Variants in CBR3 observed in about 807,000 individuals in gnomAD.
The protein encoded by CBR3 is carbonyl reductase [NADPH] 3.
In CBR3, 14 loss-of-function variants were observed where a neutral mutation model predicts 11.6. The ratio of observed to expected loss-of-function variants is 1.20; its 90% CI spans 0.79 to 1.88. The LOEUF is 1.88. CBR3 is among the 40% of genes most tolerant of loss of function. CBR3 has a pLI of 0.00. For synonymous variants in CBR3, 125 were observed against 145.6 expected (o/e 0.86, Z 1.02); for missense variants, 308 against 357.3 (o/e 0.86, Z 1.11).
rs777245360 is a variant in CBR3 at position 36,135,533 on chromosome 21, G to A, written c.289+52G>A. 9.3e-6 allele frequency: 14 copies of A among 1,502,640 alleles called. 1 individual carries two copies. Among genetic ancestry groups the A allele is most frequent in the Middle Eastern group, 1.8e-4 (1 of 5,640 alleles). 93.1% of individuals were successfully genotyped at this position (1,502,640 alleles called of 1,614,324 possible). Reference sequence around the variant, plus strand: ...CCCTGGAGCGCTCCGAGGGTGCGGAGGTGGCCAGCCGCAGGCTCCCCACCC... The same window carrying A: ...CCCTGGAGCGCTCCGAGGGTGCGGAAGTGGCCAGCCGCAGGCTCCCCACCC... On this transcript the variant is annotated intron_variant, in intron 1 of 2. Transcript: ENST00000290354.
chr21:36,142,431 C>CAAAAAAAAAAAAAAAAAAAAAA lies in CBR3; in HGVS notation c.398-3628_398-3627insAAAAAAAAAAAAAAAAAAAAAA, dbSNP rs71326645. Among the ~76,000 whole-genome samples, 21 of 40,400 alleles carry CAAAAAAAAAAAAAAAAAAAAAA rather than the reference C, an allele frequency of 5.2e-4. 1 individual carries two copies. The highest frequency in any genetic ancestry group is 2.1e-3 in the African/African-American group (19 of 8,860). The allele number at this position is 40,400 out of a possible 152,430, so 26.5% of individuals were successfully genotyped here. ...TAGGTGACAGAGCGAGACTCCATCT[C>CAAAAAAAAAAAAAAAAAAAAAA]AAAAAAAAAAAAAAAAACGCAATCC... On this transcript the variant is annotated intron_variant, in intron 2 of 2. Coordinates refer to ENST00000290354, the MANE Select transcript of CBR3 (RefSeq NM_001236.4).
intron 2 of CBR3, among the ~76,000 whole-genome samples, chr21:36,139,999 G>A (rs532297361): frequency 3.5e-4 from 49 of 139,298 alleles, no homozygotes; most frequent in Non-Finnish European, 6.8e-4. Flanking sequence ...GAGATTCTCC[G>A]CCCCAGCCTC....
chr21:36,135,797 C>G (rs2065655477), intron 1 of CBR3, among the ~76,000 whole-genome samples: 1 of 152,212 alleles, frequency 6.6e-6, no homozygotes. Flanking sequence ...CAACGCCCTG[C>G]TAGAGTTCAT....
rs755139547 is a variant in CBR3, at chr21:36,137,798, C to G, written c.290-27C>G. The G allele has an allele frequency of 1.4e-5, 19 of 1,349,990 alleles. No individual in the cohort carries two copies. The East Asian group carries it at 4.4e-4, about 31-fold the overall frequency. The allele number at this position is 1,349,990 out of a possible 1,614,324, so 83.6% of individuals were successfully genotyped here. A position where few individuals can be genotyped will look rare whatever the true frequency, so the allele number is the denominator to read the frequency against. On this transcript the variant is annotated intron_variant, in intron 1 of 2. Coordinates refer to ENST00000290354, the MANE Select transcript of CBR3 (RefSeq NM_001236.4). ...GTTTCAGGGGGAAAAATATGACTTT[C>G]TTTTTGTTTCTTTCTCTTTTTGAAA... is the stretch of plus-strand genomic sequence containing the variant.
At chr21:36,136,296 G>A (rs1050506434) in intron 1 of CBR3, among the ~76,000 whole-genome samples, 2 of 125,816 alleles carry the variant, frequency 1.6e-5, no homozygotes, top group Non-Finnish European at 3.4e-5. Context: ...GAGACAGAGC[G>A]AGACTCCGTA....
At position 36,146,088 on chromosome 21, in the gene CBR3, A is replaced by C; in HGVS notation, c.410A>C (p.Asn137Thr). 6.2e-7 allele frequency: 1 copy of C among 1,610,158 alleles called. No individual in the cohort carries two copies. The highest frequency in any genetic ancestry group is 8.5e-7 in the Non-Finnish European group (1 of 1,176,824). The change falls in exon 3 of 3, where the codon AAT becomes ACT. Residue 137 changes from asparagine to threonine, a missense_variant. Physicochemically the swap from Asn to Thr is moderately conservative, Grantham distance 65 (BLOSUM62 0). Coordinates refer to ENST00000290354, the MANE Select transcript of CBR3 (RefSeq NM_001236.4). ...PIMKPHGRVV[N>T]ISSLQCLRAF... ...CATTCTGTTTCAGGGAGAGTGGTGAATATCAGTAGTTTGCAGTGTTTAAGG... is the reference window on the plus strand; with the variant it reads ...CATTCTGTTTCAGGGAGAGTGGTGACTATCAGTAGTTTGCAGTGTTTAAGG...
At chr21:36,137,535 G>A (rs1601350337) in intron 1 of CBR3, 2 of 244,118 alleles carry the variant, frequency 8.2e-6, no homozygotes, top group Non-Finnish European at 1.6e-5. Context: ...AGGAAGGAAG[G>A]AAGGAAGGAA....
At chr21:36,144,525 G>T (rs2065739597) in intron 2 of CBR3, among the ~76,000 whole-genome samples, 1 of 145,740 alleles carries the variant, frequency 6.9e-6, no homozygotes, top group Admixed American at 6.8e-5. Flanking sequence ...ACTTTGGGAG[G>T]CTGAAGCAGT....
chr21:36,140,277 T>C (rs1420951219), intron 2 of CBR3, among the ~76,000 whole-genome samples: 1 of 152,124 alleles, frequency 6.6e-6, no homozygotes, highest in East Asian at 1.9e-4. Context: ...ATAGAAAGCC[T>C]GCAGGGAGAA....
intron 2 of CBR3, among the ~76,000 whole-genome samples, chr21:36,141,023 AAAAG>A (rs570303594): frequency 0.012 from 1,703 of 140,476 alleles, 128 homozygotes; most frequent in East Asian, 0.023. Context: ...AAAAAAAAAA[AAAAG>A]AAAGAAAGAA....
At position 36,135,182 on chromosome 21, in the gene CBR3, C is replaced by T. The variant is rs2123332533; in HGVS notation, c.-11C>T. Reference sequence around the variant, plus strand: ...CCCTCCACGCAGGTGCCCCGCGCTCCCCGCTCAGCCATGTCGTCCTGCAGC... The same window carrying T: ...CCCTCCACGCAGGTGCCCCGCGCTCTCCGCTCAGCCATGTCGTCCTGCAGC... On this transcript the variant is annotated 5_prime_UTR_variant, in exon 1 of 3. Coordinates refer to ENST00000290354, the MANE Select transcript of CBR3 (RefSeq NM_001236.4). The T allele has an allele frequency of 7.0e-7, 1 of 1,438,802 alleles. No homozygotes were observed. The highest frequency in any genetic ancestry group is 1.5e-5 in the South Asian group (1 of 67,272). The allele number at this position is 1,438,802 out of a possible 1,614,324, so 89.1% of individuals were successfully genotyped here.
chr21:36,142,259 C>T (rs1242254275), intron 2 of CBR3, among the ~76,000 whole-genome samples: 4 of 151,738 alleles, frequency 2.6e-5, no homozygotes, highest in South Asian at 2.1e-4. Context: ...GGTGAAACCC[C>T]GTCTCTACTA....
intron 2 of CBR3, chr21:36,138,544 C>T (rs1186071401): frequency 2.6e-5 from 4 of 152,288 alleles, no homozygotes; most frequent in Non-Finnish European, 5.9e-5. Context: ...TGCTGTGAGT[C>T]CCCAAAGGCC....
chr21:36,139,923 C>T (rs899288762), intron 2 of CBR3, among the ~76,000 whole-genome samples: 8 of 139,208 alleles, frequency 5.7e-5, no homozygotes, highest in African/African-American at 1.8e-4. Context: ...AGTCTCCCTC[C>T]GTCGCCCAGA....
At chr21:36,137,549 A>C (rs1355287057) in intron 1 of CBR3, among the ~76,000 whole-genome samples, 2 of 114,828 alleles carry the variant, frequency 1.7e-5, no homozygotes, top group African/African-American at 3.2e-5. Context: ...GAAGGAAGGA[A>C]GGAAGGAAGG....
chr21:36,142,304 C>T (rs901258262), intron 2 of CBR3, among the ~76,000 whole-genome samples: 17 of 151,616 alleles, frequency 1.1e-4, no homozygotes, highest in Admixed American at 1.1e-3. Flanking sequence ...TGGTGGCAGG[C>T]GCCTGTAGTC....
At chr21:36,143,741 G>A (rs1353486656) in intron 2 of CBR3, among the ~76,000 whole-genome samples, 2 of 152,018 alleles carry the variant, frequency 1.3e-5, no homozygotes, top group Non-Finnish European at 1.5e-5. Context: ...TTATTTGAGT[G>A]CAGTGGTGTG....
intron 2 of CBR3, among the ~76,000 whole-genome samples, chr21:36,141,241 G>A (rs1000877726): frequency 3.0e-5 from 4 of 134,600 alleles, no homozygotes; most frequent in East Asian, 2.1e-4. Context: ...TAGCCTGGGC[G>A]ACAGAGCAAG....
At chr21:36,138,132 A>AGTTTAGTTTT (rs892969417) in intron 2 of CBR3, among the ~76,000 whole-genome samples, 200 bp downstream of exon 2, 5 of 148,968 alleles carry the variant, frequency 3.4e-5, no homozygotes, top group African/African-American at 7.3e-5. Context: ...AGTTTAGTTT[A>AGTTTAGTTTT]GTTTTGTTTT....
Sources: gnomAD v4.1 joint callset for allele counts (sites outside exome capture counted in the v4.1 genomes callset) on GRCh38, gnomAD v4.1.1 for gene constraint, MANE v1.5 for transcripts, NCBI Gene and HGNC (gene_info 2026-07-23, HGNC 2026-07-21) for gene names.